Variants in GRID1 observed in about 807,000 individuals in gnomAD.
The protein encoded by GRID1 is glutamate receptor ionotropic, delta-1.
In GRID1, 28 loss-of-function variants were observed where a neutral mutation model predicts 98.0. The observed-to-expected ratio is 0.29, with a 90% CI of 0.21 to 0.39. The LOEUF is 0.39. GRID1 is among the 10% of genes least tolerant of loss of function. The probability of loss-of-function intolerance (pLI) is 1.00; values close to 1 mark genes in which losing one functional copy is unlikely to be tolerated. For synonymous variants in GRID1, 553 were observed against 538.5 expected (o/e 1.03, Z -0.37); for missense variants, 1,111 against 1,340.5 (o/e 0.83, Z 2.67).
chr10:86,320,825 C>T (rs964742386), intron 2 of GRID1, among the ~76,000 whole-genome samples: 86 of 152,156 alleles, frequency 5.7e-4, no homozygotes, highest in African/African-American at 1.9e-3. Context: ...GAGAGCCGGG[C>T]GCGGTGGCTC....
At chr10:86,343,220 C>A (rs1427156454) in intron 2 of GRID1, among the ~76,000 whole-genome samples, 1 of 152,168 alleles carries the variant, frequency 6.6e-6, no homozygotes, top group Non-Finnish European at 1.5e-5. Flanking sequence ...TCTTAAGCTA[C>A]CTCACAGCAA....
chr10:86,017,762 T>C (rs1444952781), intron 4 of GRID1, among the ~76,000 whole-genome samples: 1 of 152,208 alleles, frequency 6.6e-6, no homozygotes, highest in Non-Finnish European at 1.5e-5. Flanking sequence ...GATTAGTAGT[T>C]CTGAGCATGT....
chr10:85,707,352 G>T (rs555879369), intron 12 of GRID1, among the ~76,000 whole-genome samples: 2 of 152,120 alleles, frequency 1.3e-5, no homozygotes, highest in Non-Finnish European at 2.9e-5. Flanking sequence ...GCAGCCAACA[G>T]ACACATGAAA....
rs1241016545 is a variant in GRID1, at chr10:85,916,862, A to G, written c.727-623T>C. On this transcript the variant is annotated intron_variant, in intron 4 of 15. Transcript: ENST00000327946. This position sits in a 1 kb window ranked among gnomAD's most constrained non-coding sequence, Gnocchi z 4.0. ...TGCTTGAATGGCTATCAGTTTACTTATTTCTTATTGTCTGTCTCCTCTGCT... is the reference window on the plus strand; with the variant it reads ...TGCTTGAATGGCTATCAGTTTACTTGTTTCTTATTGTCTGTCTCCTCTGCT... Among the ~76,000 whole-genome samples the G allele has an allele frequency of 6.6e-6, 1 of 151,970 alleles. No homozygotes were observed. The highest frequency in any genetic ancestry group is 1.5e-5 in the Non-Finnish European group (1 of 67,988).
At chr10:85,755,974 T>G (rs1052774732) in intron 8 of GRID1, among the ~76,000 whole-genome samples, 1 of 152,066 alleles carries the variant, frequency 6.6e-6, no homozygotes, top group African/African-American at 2.4e-5. Flanking sequence ...TCTCTCACTG[T>G]GGTCATCTCT....
At chr10:85,900,907 CAG>C (rs1240176319) in intron 5 of GRID1, among the ~76,000 whole-genome samples, 1 of 152,128 alleles carries the variant, frequency 6.6e-6, no homozygotes, top group African/African-American at 2.4e-5. Flanking sequence ...TGAAGAATCA[CAG>C]AGTAAGTTAT....
At chr10:85,765,053 A>C (rs1333993477) in intron 8 of GRID1, among the ~76,000 whole-genome samples, 1 of 152,166 alleles carries the variant, frequency 6.6e-6, no homozygotes, top group East Asian at 1.9e-4. Context: ...GGTGCTGAAA[A>C]GAGTAACTGA....
chr10:86,321,435 A>C (rs1339871617), intron 2 of GRID1, among the ~76,000 whole-genome samples: 1 of 152,150 alleles, frequency 6.6e-6, no homozygotes, highest in Non-Finnish European at 1.5e-5. Context: ...GTGCTGAAAA[A>C]CCAGAATGGG....
intron 2 of GRID1, among the ~76,000 whole-genome samples, chr10:86,213,571 T>C (rs1055954103): frequency 6.6e-6 from 1 of 151,994 alleles, no homozygotes; most frequent in Non-Finnish European, 1.5e-5. Flanking sequence ...CTCCGAAGCC[T>C]CCCTCCTCTG....
intron 12 of GRID1, among the ~76,000 whole-genome samples, chr10:85,674,105 G>A (rs1048467890): frequency 1.3e-5 from 2 of 152,184 alleles, no homozygotes; most frequent in African/African-American, 4.8e-5. Context: ...GATGTGGCCA[G>A]TTCAGATGCA....
chr10:86,121,449 C>A (rs1352646396), intron 4 of GRID1, among the ~76,000 whole-genome samples: 5 of 62,316 alleles, frequency 8.0e-5, no homozygotes, highest in Non-Finnish European at 1.1e-4. Flanking sequence ...TTAACATAAT[C>A]ATCATCATCA....
At chr10:86,172,983 T>A (rs1461703108) in intron 3 of GRID1, among the ~76,000 whole-genome samples, 1 of 152,204 alleles carries the variant, frequency 6.6e-6, no homozygotes, top group Non-Finnish European at 1.5e-5. Flanking sequence ...CAGCATCACA[T>A]CTTTCACATG....
chr10:86,102,261 C>T (rs1452757097), intron 4 of GRID1, among the ~76,000 whole-genome samples: 1 of 152,240 alleles, frequency 6.6e-6, no homozygotes, highest in Non-Finnish European at 1.5e-5. Context: ...GAAGGCAGGT[C>T]AGGAGGCTGA....
intron 4 of GRID1, among the ~76,000 whole-genome samples, chr10:85,990,431 A>T (rs928397544): frequency 6.6e-6 from 1 of 152,234 alleles, no homozygotes; most frequent in Non-Finnish European, 1.5e-5. Context: ...CACAGGACTC[A>T]CTTAAAGGAG....
At chr10:86,198,569 C>A (rs538329255) in intron 3 of GRID1, among the ~76,000 whole-genome samples, 1 of 152,152 alleles carries the variant, frequency 6.6e-6, no homozygotes, top group Non-Finnish European at 1.5e-5. Context: ...TTAATCCACA[C>A]GTTAACCCCA....
intron 12 of GRID1, among the ~76,000 whole-genome samples, chr10:85,691,162 A>G (rs951245594): frequency 2.0e-5 from 3 of 152,226 alleles, no homozygotes; most frequent in Admixed American, 6.5e-5. Context: ...ACACACAAAA[A>G]AATGAACCAA....
Position 86,192,815 on chromosome 10 carries a change from T to C in GRID1, c.520+13549A>G, listed in dbSNP as rs1395228399. On this transcript the variant is annotated intron_variant, in intron 3 of 15. Coordinates refer to ENST00000327946, the MANE Select transcript of GRID1 (RefSeq NM_017551.3). This position sits in a 1 kb window ranked among gnomAD's most constrained non-coding sequence, Gnocchi z 4.8. ...ATGTTCACACCGATATATGTGGTGA[T>C]TCCACAGAACCACAGGGGTCTCCAG... Among the ~76,000 whole-genome samples, 1 of 151,954 alleles carries C rather than the reference T, an allele frequency of 6.6e-6. No individual in the cohort carries two copies. Among genetic ancestry groups the C allele is most frequent in the East Asian group, 1.9e-4 (1 of 5,190 alleles).
At chr10:86,288,093 C>T (rs575220297) in intron 2 of GRID1, among the ~76,000 whole-genome samples, 12 of 152,238 alleles carry the variant, frequency 7.9e-5, no homozygotes, top group East Asian at 5.8e-4. Context: ...CCAGGCTGCC[C>T]GGCAGAAGCT....
intron 2 of GRID1, among the ~76,000 whole-genome samples, chr10:86,314,018 G>A (rs902777490): frequency 6.6e-6 from 1 of 152,168 alleles, no homozygotes; most frequent in African/African-American, 2.4e-5. Context: ...TAAACTAAAT[G>A]ATCCATAAAC....
Sources: gnomAD v4.1 joint callset for allele counts (sites outside exome capture counted in the v4.1 genomes callset) on GRCh38, gnomAD v4.1.1 for gene constraint, Gnocchi (gnomAD v3.1) non-coding constraint, MANE v1.5 for transcripts, NCBI Gene and HGNC (gene_info 2026-07-23, HGNC 2026-07-21) for gene names.